NMS: variants seen among roughly 807,000 people sequenced by gnomAD.
The protein encoded by NMS is neuromedin S.
NMS carries 30 observed loss-of-function variants against 32.2 expected under a neutral mutation model. The observed-to-expected ratio is 0.93, with a 90% CI of 0.70 to 1.26. The LOEUF (loss-of-function observed/expected upper bound fraction) is 1.26, where lower values mean the gene tolerates loss of function less well. NMS is among the 50% of genes most tolerant of loss of function. NMS has a pLI of 0.00. For synonymous variants in NMS, 76 were observed against 58.5 expected (o/e 1.30, Z -1.37); for missense variants, 190 against 186.3 (o/e 1.02, Z -0.12).
chr2:100,483,106 T>G, intron 9 of NMS, 146 bp from the exon 10 acceptor site: 2 of 682,716 alleles, frequency 2.9e-6, no homozygotes, highest in African/African-American at 1.8e-5. Flanking sequence ...TAAGTACTGA[T>G]TGTGGGGAAA....
chr2:100,473,215 T>G (rs1677039252), intron 2 of NMS, among the ~76,000 whole-genome samples: 1 of 152,204 alleles, frequency 6.6e-6, no homozygotes, highest in Non-Finnish European at 1.5e-5. Context: ...TCATATAGTG[T>G]GTTACAACCA....
intron 3 of NMS, among the ~76,000 whole-genome samples, chr2:100,476,481 A>G (rs1042773434): frequency 6.6e-6 from 1 of 152,220 alleles, no homozygotes; most frequent in African/African-American, 2.4e-5. Flanking sequence ...AATTGTATTC[A>G]CAATTATTAT....
chr2:100,473,066 G>A (rs926567493), intron 2 of NMS, among the ~76,000 whole-genome samples: 7 of 152,126 alleles, frequency 4.6e-5, no homozygotes, highest in Non-Finnish European at 7.4e-5. Context: ...TCAGAAATAG[G>A]ACAATTTTAG....
intron 8 of NMS, among the ~76,000 whole-genome samples, chr2:100,481,654 A>G (rs1182444873): frequency 6.6e-6 from 1 of 152,188 alleles, no homozygotes; most frequent in Non-Finnish European, 1.5e-5. Context: ...AAATGAGCAA[A>G]TCAGACTAGA....
At chr2:100,474,035 G>T (rs771312046) in intron 3 of NMS, among the ~76,000 whole-genome samples, 2 of 151,910 alleles carry the variant, frequency 1.3e-5, no homozygotes, top group Admixed American at 1.3e-4. Context: ...AAAATTAGCC[G>T]GGCAAGGTGG....
chr2:100,479,307 T>C (rs776414836), intron 5 of NMS, 46 bp from the exon 6 acceptor site: 2 of 1,442,280 alleles, frequency 1.4e-6, no homozygotes, highest in East Asian at 2.4e-5. Flanking sequence ...AATACCCCTC[T>C]GTGGATGTCC....
chr2:100,472,876 A>ATT lies in NMS; in HGVS notation c.132+30_132+31dup, dbSNP rs757998586. 5.2e-6 allele frequency: 8 copies of ATT among 1,526,862 alleles called. No individual in the cohort carries two copies. The South Asian group carries it at 7.9e-5, about 15-fold the overall frequency. 94.6% of individuals were successfully genotyped at this position (1,526,862 alleles called of 1,614,324 possible). ...GTACCCAATTATTCAGTAATGTGAG[A>ATT]TTTTTGTTTAGTCTGGACCTTGAAT... is the stretch of plus-strand genomic sequence containing the variant. On this transcript the variant is annotated intron_variant, in intron 2 of 9. Coordinates refer to ENST00000376865, the MANE Select transcript of NMS (RefSeq NM_001011717.1).
intron 5 of NMS, 124 bp from the exon 6 acceptor site, chr2:100,479,229 C>T (rs1027632285): frequency 6.2e-6 from 4 of 647,854 alleles, no homozygotes; most frequent in African/African-American, 3.7e-5. Flanking sequence ...ATGGGTTTTA[C>T]TCTGAAAATT....
intron 1 of NMS, among the ~76,000 whole-genome samples, chr2:100,470,863 A>G (rs555468148): frequency 2.6e-5 from 4 of 152,338 alleles, no homozygotes; most frequent in Admixed American, 2.6e-4. Context: ...GGTGTGAGTT[A>G]GGGGAAGATC....
intron 5 of NMS, among the ~76,000 whole-genome samples, chr2:100,478,941 A>G (rs1040755023): frequency 5.9e-5 from 9 of 152,208 alleles, no homozygotes; most frequent in African/African-American, 2.2e-4. Flanking sequence ...CACAGACAAG[A>G]TTAGGAAATC....
At chr2:100,482,399 G>A in intron 9 of NMS, 88 bp downstream of exon 9, 1 of 1,234,700 alleles carries the variant, frequency 8.1e-7, no homozygotes, top group Non-Finnish European at 1.2e-6. Flanking sequence ...AGGCAGCCAT[G>A]GGGAGGACCA....
chr2:100,483,214 T>C (rs758814741), intron 9 of NMS, 38 bp from the exon 10 acceptor site: 2 of 1,596,392 alleles, frequency 1.3e-6, no homozygotes, highest in Non-Finnish European at 1.7e-6. Context: ...CCGAGAATGA[T>C]TTGAACTGAG....
At chr2:100,478,997 C>G (rs1677163947) in intron 5 of NMS, among the ~76,000 whole-genome samples, 1 of 152,118 alleles carries the variant, frequency 6.6e-6, no homozygotes, top group Non-Finnish European at 1.5e-5. Flanking sequence ...CACCTTTTCC[C>G]TTGGATGAGG....
chr2:100,479,805 C>T (rs1273570013), intron 6 of NMS, among the ~76,000 whole-genome samples: 1 of 152,190 alleles, frequency 6.6e-6, no homozygotes, highest in Non-Finnish European at 1.5e-5. Context: ...GCCCTAGGTG[C>T]CCGTTGTCCA....
At position 100,470,502 on chromosome 2, in the gene NMS, G is replaced by A. The variant is rs183314287; in HGVS notation, c.14G>A (p.Arg5His). Residue 5 changes from arginine (R) to histidine (H), a missense_variant, in exon 1 of 10, where the codon CGT becomes CAT. Transcript: ENST00000376865. ...CAGACTCTCACAATGAAACATCTTC[G>A]TCCCCAGTTCCCTCTCATCTTGGCC... The part of the protein sequence containing the change: MKHL[R>H]PQFPLILAIY... The A allele has an allele frequency of 3.1e-6, 5 of 1,613,738 alleles. No homozygotes were observed. The highest frequency in any genetic ancestry group is 4.5e-5 in the East Asian group (2 of 44,870).
rs1267304555 is a variant in NMS at position 100,479,359 on chromosome 2, C to T, written c.268C>T (p.Pro90Ser). The T allele has an allele frequency of 3.7e-6, 6 of 1,608,378 alleles. No homozygotes were observed. The highest frequency in any genetic ancestry group is 5.1e-6 in the Non-Finnish European group (6 of 1,177,330). ...ATHPVKTGFP[P>S]VHPLMHLAAK... ...CCGCGCCTGTCTGTTGCAGTTTCCT[C>T]CAGTGCATCCTCTAATGCACCTGGC... Residue 90 changes from proline to serine, a missense_variant, in exon 6 of 10, where the codon CCA (proline) becomes TCA (serine). By Grantham distance (74) the Pro-to-Ser change is moderately conservative (BLOSUM62 -1). Coordinates refer to ENST00000376865, the MANE Select transcript of NMS (RefSeq NM_001011717.1).
rs903487840 is a variant in NMS at position 100,478,460 on chromosome 2, T to A, written c.262-893T>A. On this transcript the variant is annotated intron_variant, in intron 5 of 9. Coordinates refer to ENST00000376865, the MANE Select transcript of NMS (RefSeq NM_001011717.1). ...TAGGGCTCAGGTAAGGAGGGGGAAT[T>A]TTTTTGTTTGTTTGTTTTTTTGACG... Among the ~76,000 whole-genome samples the A allele has an allele frequency of 2.0e-5, 3 of 152,084 alleles. No individual in the cohort carries two copies. In the East Asian group the frequency reaches 5.8e-4, roughly 30 times the overall value.
Position 100,481,144 on chromosome 2 carries a change from G to A in NMS, c.391G>A (p.Gly131Arg). Residue 131 changes from glycine to arginine, a missense_variant, in exon 8 of 10, where the codon GGA (glycine) becomes AGA (arginine). By Grantham distance (125) the Gly-to-Arg change is moderately radical. Coordinates refer to ENST00000376865, the MANE Select transcript of NMS (RefSeq NM_001011717.1). ...FTKKDHTATW[G>R]RPFFLFRPRN... ...GTTGCAGGATCACACTGCGACCTGGGGACGACCCTTTTTCCTTTTCAGGGT... is the reference window on the plus strand; with the variant it reads ...GTTGCAGGATCACACTGCGACCTGGAGACGACCCTTTTTCCTTTTCAGGGT... The A allele has an allele frequency of 6.2e-7, 1 of 1,614,100 alleles. No homozygotes were observed. Among genetic ancestry groups the A allele is most frequent in the Non-Finnish European group, 8.5e-7 (1 of 1,179,992 alleles).
chr2:100,472,537 T>C (rs1677023131), intron 1 of NMS, among the ~76,000 whole-genome samples: 1 of 152,254 alleles, frequency 6.6e-6, no homozygotes, highest in Admixed American at 6.5e-5. Context: ...TGAACACTCA[T>C]GGTAAATTAA....
Sources: gnomAD v4.1 joint callset for allele counts (sites outside exome capture counted in the v4.1 genomes callset) on GRCh38, gnomAD v4.1.1 for gene constraint, MANE v1.5 for transcripts, NCBI Gene and HGNC (gene_info 2026-07-23, HGNC 2026-07-21) for gene names.